The following FSTL5 variants were observed in gnomAD, a reference collection of about 807,000 sequenced individuals.
FSTL5 encodes the protein follistatin-related protein 5.
A neutral mutation model predicts 89.1 loss-of-function variants in FSTL5; 62 were observed. The observed-to-expected ratio is 0.70, with a 90% confidence interval of 0.57 to 0.86. The LOEUF is 0.86. FSTL5 is among the 40% of genes least tolerant of loss of function. The pLI, the probability that FSTL5 is intolerant of heterozygous loss-of-function variation, is 0.00. For missense variants in FSTL5, 1,057 were observed against 1,001.6 expected (o/e 1.06, Z -0.75); for synonymous variants, 383 against 346.2 (o/e 1.11, Z -1.18).
At chr4:162,083,371 T>C (rs1730177007) in intron 2 of FSTL5, among the ~76,000 whole-genome samples, 1 of 151,760 alleles carries the variant, frequency 6.6e-6, no homozygotes, top group Non-Finnish European at 1.5e-5. Flanking sequence ...CAGGGATGAA[T>C]GATATGTACA....
chr4:161,874,530 A>G (rs1388556374), intron 4 of FSTL5, among the ~76,000 whole-genome samples: 2 of 149,698 alleles, frequency 1.3e-5, no homozygotes, highest in Admixed American at 6.7e-5. Context: ...TATATCCCTC[A>G]TGCTCTCCAC....
chr4:161,847,835 G>C (rs1731417194), intron 4 of FSTL5, among the ~76,000 whole-genome samples: 1 of 151,692 alleles, frequency 6.6e-6, no homozygotes, highest in African/African-American at 2.4e-5. Context: ...TCAGGAGTTT[G>C]AGACCAGCCT....
At chr4:161,607,352 C>CT (rs1382308842) in intron 7 of FSTL5, among the ~76,000 whole-genome samples, 1 of 151,962 alleles carries the variant, frequency 6.6e-6, no homozygotes, top group Non-Finnish European at 1.5e-5. Flanking sequence ...ACCCAGCTGC[C>CT]TTTTTTAAGT....
At chr4:161,977,317 A>G (rs1243545240) in intron 3 of FSTL5, among the ~76,000 whole-genome samples, 2 of 152,154 alleles carry the variant, frequency 1.3e-5, no homozygotes, top group Non-Finnish European at 2.9e-5. Context: ...ACAATTTGAA[A>G]ATAATCAATT....
At chr4:162,100,531 G>C (rs1730954350) in intron 2 of FSTL5, among the ~76,000 whole-genome samples, 1 of 152,132 alleles carries the variant, frequency 6.6e-6, no homozygotes, top group South Asian at 2.1e-4. Flanking sequence ...AAGATGAAGA[G>C]GCAAAGCACA....
intron 1 of FSTL5, among the ~76,000 whole-genome samples, chr4:162,112,469 C>T (rs1731482179): frequency 6.6e-6 from 1 of 152,154 alleles, no homozygotes; most frequent in African/African-American, 2.4e-5. Context: ...TAGTCTTGAA[C>T]TCCTGGTGTC....
intron 4 of FSTL5, among the ~76,000 whole-genome samples, chr4:161,828,325 G>A (rs1730732711): frequency 6.6e-6 from 1 of 151,922 alleles, no homozygotes; most frequent in African/African-American, 2.4e-5. Context: ...CCTGGGGCCT[G>A]TAGGAGCAAT....
At chr4:161,684,833 C>T (rs1320522726) in intron 6 of FSTL5, among the ~76,000 whole-genome samples, 1 of 152,104 alleles carries the variant, frequency 6.6e-6, no homozygotes, top group African/African-American at 2.4e-5. Flanking sequence ...CTTGCCTAAG[C>T]CAATGTCTAG....
chr4:161,960,432 TC>T (rs1055050155), intron 3 of FSTL5, among the ~76,000 whole-genome samples: 7 of 151,988 alleles, frequency 4.6e-5, no homozygotes, highest in African/African-American at 1.7e-4. Flanking sequence ...TGCCTTGGCC[TC>T]CCAAAGTGCT....
intron 15 of FSTL5, among the ~76,000 whole-genome samples, chr4:161,449,562 G>C (rs1229913615): frequency 6.6e-6 from 1 of 152,042 alleles, no homozygotes; most frequent in Admixed American, 6.6e-5. Context: ...TAAATCATAA[G>C]TCATCTCCTT....
intron 13 of FSTL5, among the ~76,000 whole-genome samples, chr4:161,472,369 CT>C (rs1473128378): frequency 6.6e-6 from 1 of 152,074 alleles, no homozygotes; most frequent in Non-Finnish European, 1.5e-5. Flanking sequence ...TCAGTTCCTT[CT>C]TTCTGCTAGC....
At chr4:162,132,168 T>G (rs1732327032) in intron 1 of FSTL5, among the ~76,000 whole-genome samples, 1 of 152,162 alleles carries the variant, frequency 6.6e-6, no homozygotes, top group Admixed American at 6.5e-5. Context: ...AACAGTGTGA[T>G]TTCAGTGTTT....
intron 10 of FSTL5, among the ~76,000 whole-genome samples, chr4:161,514,561 T>G (rs4401413): frequency 0.5 from 76,217 of 151,940 alleles, 19,366 homozygotes; most frequent in Middle Eastern, 0.61. Context: ...TCACCACTAG[T>G]CAATAGATCC....
intron 7 of FSTL5, among the ~76,000 whole-genome samples, chr4:161,589,358 A>C (rs530895305): frequency 6.6e-6 from 1 of 151,640 alleles, no homozygotes; most frequent in South Asian, 2.1e-4. Flanking sequence ...AATTTTTTGT[A>C]TTTTTAGTAG....
chr4:161,477,673 A>G (rs1196364483), intron 13 of FSTL5, among the ~76,000 whole-genome samples: 2 of 151,650 alleles, frequency 1.3e-5, no homozygotes, highest in African/African-American at 4.8e-5. Context: ...CTCCTCTTTT[A>G]TTTAAACTAT....
intron 7 of FSTL5, among the ~76,000 whole-genome samples, chr4:161,655,167 TA>T (rs1163895055): frequency 6.6e-6 from 1 of 152,168 alleles, no homozygotes; most frequent in Non-Finnish European, 1.5e-5. Flanking sequence ...TTCTCAACCA[TA>T]AGGGCATTAA....
At chr4:161,453,641 G>C (rs1328826813) in intron 15 of FSTL5, among the ~76,000 whole-genome samples, 1 of 151,988 alleles carries the variant, frequency 6.6e-6, no homozygotes, top group Non-Finnish European at 1.5e-5. Flanking sequence ...TGTTGCCGAG[G>C]CTGGAGCACA....
intron 4 of FSTL5, among the ~76,000 whole-genome samples, chr4:161,866,041 C>T (rs1410869053): frequency 6.6e-6 from 1 of 152,170 alleles, no homozygotes; most frequent in Non-Finnish European, 1.5e-5. Context: ...TCCAGAAATT[C>T]TTCCTGGCTA....
intron 3 of FSTL5, among the ~76,000 whole-genome samples, chr4:161,966,236 G>T (rs532854525): frequency 6.6e-6 from 1 of 152,084 alleles, no homozygotes; most frequent in African/African-American, 2.4e-5. Flanking sequence ...CTGAAGCTTG[G>T]CTTGGAACTC....
Sources: allele counts gnomAD v4.1 joint callset (sites outside exome capture counted in the v4.1 genomes callset), GRCh38; gene constraint gnomAD v4.1.1; transcripts MANE v1.5; gene names NCBI Gene and HGNC (gene_info 2026-07-23, HGNC 2026-07-21).